The following MYO1E variants were observed in gnomAD, a reference collection of about 807,000 sequenced individuals.
The protein encoded by MYO1E is myosin IE, also known as unconventional myosin-Ie.
MYO1E carries 68 observed loss-of-function variants against 151.1 expected under a neutral mutation model. The observed-to-expected ratio is 0.45, with a 90% CI of 0.37 to 0.55. The LOEUF is 0.55. Ranked by LOEUF, MYO1E falls within the 20% of genes least tolerant of loss-of-function variation. The pLI is 0.00. For missense variants in MYO1E, 1,363 were observed against 1,389.3 expected (o/e 0.98, Z 0.30); for synonymous variants, 601 against 501.7 (o/e 1.20, Z -2.64).
At chr15:59,208,601 T>C (rs758768460) in intron 14 of MYO1E, 80 bp downstream of exon 14, 60 of 1,520,446 alleles carry the variant, frequency 3.9e-5, no homozygotes, top group Admixed American at 1.5e-4. Flanking sequence ...CGGCGAGCCA[T>C]ATGATTTGCT....
chr15:59,166,984 C>A (rs2079566591), intron 22 of MYO1E, among the ~76,000 whole-genome samples: 1 of 152,212 alleles, frequency 6.6e-6, no homozygotes, highest in East Asian at 1.9e-4. Context: ...TGTGCCTCAT[C>A]CACCTTCGAA....
chr15:59,215,808 T>G (rs2079910235), intron 10 of MYO1E, among the ~76,000 whole-genome samples: 1 of 151,944 alleles, frequency 6.6e-6, no homozygotes, highest in Admixed American at 6.6e-5. Flanking sequence ...GAAAGGTAGG[T>G]AGGAAGCCCA....
intron 1 of MYO1E, among the ~76,000 whole-genome samples, chr15:59,369,868 C>G (rs894953142): frequency 1.1e-4 from 16 of 152,228 alleles, no homozygotes; most frequent in African/African-American, 3.9e-4. Context: ...ACTATGCTAC[C>G]AGACTTCCTA....
In MYO1E at chr15:59,215,353, T is replaced by A. The variant is rs192732576; in HGVS notation, c.1108-633A>T. On this transcript the variant is annotated intron_variant, in intron 10 of 27. Transcript: ENST00000288235. ...CCCATTTCAGTTCTCAAAATGGCAG[T>A]GATACCATTATTTTCCCAATTTTCC... is the stretch of plus-strand genomic sequence containing the variant. 4.6e-5 allele frequency among the ~76,000 whole-genome samples: 7 copies of A among 152,340 alleles called. No homozygotes were observed. The East Asian group carries it at 1.2e-3, about 25-fold the overall frequency.
In MYO1E at chr15:59,167,053, C is replaced by T. The variant is rs896171585; in HGVS notation, c.2481-3750G>A. Among the ~76,000 whole-genome samples the T allele has an allele frequency of 4.6e-5, 7 of 152,284 alleles. No individual in the cohort carries two copies. In the East Asian group the frequency reaches 5.8e-4, roughly 13 times the overall value. On this transcript the variant is annotated intron_variant, in intron 22 of 27. Coordinates refer to ENST00000288235, the MANE Select transcript of MYO1E (RefSeq NM_004998.4). Reference sequence around the variant, plus strand: ...CCATGATGTTGACAACTTCCAGGTTCCCAATGCTTACAGACCATAGCAAGT... The same window carrying T: ...CCATGATGTTGACAACTTCCAGGTTTCCAATGCTTACAGACCATAGCAAGT...
rs398027512 is a variant in MYO1E at position 59,268,720 on chromosome 15, A to ATTT, written c.147+3583_147+3585dup. Reference sequence around the variant, plus strand: ...GTGATGGGTTCTGGGTGACTTTGGTATTTTTTTTTTTTTTTTTTTTTGCTT... The same window carrying ATTT: ...GTGATGGGTTCTGGGTGACTTTGGTATTTTTTTTTTTTTTTTTTTTTTTTGCTT... On this transcript the variant is annotated intron_variant, in intron 2 of 27. Coordinates refer to ENST00000288235, the MANE Select transcript of MYO1E (RefSeq NM_004998.4). 3.2e-3 allele frequency among the ~76,000 whole-genome samples: 145 copies of ATTT among 44,908 alleles called. 41 individuals are homozygous for ATTT. The highest frequency in any genetic ancestry group is 0.018 in the South Asian group (13 of 742). 29.5% of individuals were successfully genotyped at this position (44,908 alleles called of 152,430 possible).
At chr15:59,188,352 A>G in intron 17 of MYO1E, 136 bp from the exon 18 acceptor site, 3 of 736,154 alleles carry the variant, frequency 4.1e-6, no homozygotes, top group East Asian at 5.1e-5. Context: ...TAGTGTTCAA[A>G]CACTGAGCTG....
intron 3 of MYO1E, 93 bp downstream of exon 3, chr15:59,261,327 A>G: frequency 1.3e-6 from 1 of 782,028 alleles, no homozygotes. Flanking sequence ...TTCATAATAG[A>G]AAAGTGCAAA....
At chr15:59,188,327 G>A (rs2140325788) in intron 17 of MYO1E, 111 bp from the exon 18 acceptor site, 3 of 809,394 alleles carry the variant, frequency 3.7e-6, no homozygotes, top group Non-Finnish European at 6.5e-6. Context: ...AACATATTCA[G>A]AAGACTACAA....
At chr15:59,311,114 T>A (rs2080548618) in intron 1 of MYO1E, among the ~76,000 whole-genome samples, 1 of 152,044 alleles carries the variant, frequency 6.6e-6, no homozygotes, top group African/African-American at 2.4e-5. Context: ...AAGGCAACCA[T>A]CCAGGGTGGC....
In MYO1E at chr15:59,224,795, T is replaced by C. The variant is rs746716659; in HGVS notation, c.671A>G (p.Lys224Arg). ...CATGCTGGTGATGCCAAGGCTGTGT[T>C]TCTGCTCTGCAGAGGCGCCCTCGAT... Reference protein sequence around the residue: ...QLIEGASAEQKHSLGITSMDY... With the variant: ...QLIEGASAEQRHSLGITSMDY... The change falls in exon 8 of 28, where the codon AAA (lysine) becomes AGA (arginine). Residue 224 changes from lysine to arginine, a missense_variant. Lys to Arg is a conservative substitution (Grantham distance 26). Coordinates refer to ENST00000288235, the MANE Select transcript of MYO1E (RefSeq NM_004998.4). 1.9e-6 allele frequency: 3 copies of C among 1,614,236 alleles called. No homozygotes were observed. Among genetic ancestry groups the C allele is most frequent in the East Asian group, 2.2e-5 (1 of 44,878 alleles).
intron 14 of MYO1E, chr15:59,207,953 T>C: frequency 6.2e-7 from 1 of 1,614,042 alleles, no homozygotes; most frequent in South Asian, 1.1e-5. Context: ...GAAGTATTCC[T>C]CAGTATTCCT....
intron 4 of MYO1E, among the ~76,000 whole-genome samples, chr15:59,238,616 G>T (rs1191636728): frequency 6.6e-6 from 1 of 152,156 alleles, no homozygotes; most frequent in Admixed American, 6.5e-5. Context: ...TTGTCACCCA[G>T]GCTGGAGTGC....
rs756771926 is a variant in MYO1E, at chr15:59,137,353, G to A, written c.*27C>T. 6.2e-7 allele frequency: 1 copy of A among 1,604,906 alleles called. No individual in the cohort carries two copies. Among genetic ancestry groups the A allele is most frequent in the Non-Finnish European group, 8.5e-7 (1 of 1,171,744 alleles). On this transcript the variant is annotated 3_prime_UTR_variant, in exon 28 of 28. Coordinates refer to ENST00000288235, the MANE Select transcript of MYO1E (RefSeq NM_004998.4). ...CCTGGTCTGTGCCTGGAGCTCCTCTGCCCCATGTGTCAGAGTCACGGGCAC... is the reference window on the plus strand; with the variant it reads ...CCTGGTCTGTGCCTGGAGCTCCTCTACCCCATGTGTCAGAGTCACGGGCAC...
At chr15:59,368,614 C>T (rs1361461199) in intron 1 of MYO1E, among the ~76,000 whole-genome samples, 1 of 152,102 alleles carries the variant, frequency 6.6e-6, no homozygotes, top group Non-Finnish European at 1.5e-5. Flanking sequence ...GGCGTTGTGG[C>T]AGGCACCTGT....
At chr15:59,251,650 C>T (rs1231474526) in intron 4 of MYO1E, among the ~76,000 whole-genome samples, 1 of 152,138 alleles carries the variant, frequency 6.6e-6, no homozygotes, top group African/African-American at 2.4e-5. Flanking sequence ...GTCATGAAGT[C>T]TATATTTACC....
At chr15:59,289,667 G>A (rs1320415703) in intron 1 of MYO1E, among the ~76,000 whole-genome samples, 4 of 152,148 alleles carry the variant, frequency 2.6e-5, no homozygotes, top group East Asian at 1.9e-4. Flanking sequence ...GAAGATGAGG[G>A]GCAATGCCAG....
At chr15:59,361,097 G>A (rs2080882480) in intron 1 of MYO1E, among the ~76,000 whole-genome samples, 1 of 152,138 alleles carries the variant, frequency 6.6e-6, no homozygotes, top group Non-Finnish European at 1.5e-5. Flanking sequence ...CTAGACTGTT[G>A]TGACAAGAGA....
chr15:59,288,464 G>C (rs1280796399), intron 1 of MYO1E, among the ~76,000 whole-genome samples: 1 of 152,140 alleles, frequency 6.6e-6, no homozygotes, highest in Non-Finnish European at 1.5e-5. Context: ...GGTGTGAGCT[G>C]TCATACCCAG....
Sources: allele counts gnomAD v4.1 joint callset (sites outside exome capture counted in the v4.1 genomes callset), GRCh38; gene constraint gnomAD v4.1.1; transcripts MANE v1.5; gene names NCBI Gene and HGNC (gene_info 2026-07-23, HGNC 2026-07-21).